QTMAN: variants seen among roughly 807,000 people sequenced by gnomAD.
QTMAN encodes the protein queuosine-tRNA mannosyltransferase, also known as tRNA-queuosine alpha-mannosyltransferase.
chr2:144,313,120 C>G, the QTMAN span, among the ~76,000 whole-genome samples: 1 of 152,048 alleles, frequency 6.6e-6, no homozygotes, highest in Non-Finnish European at 1.5e-5. Context: ...AAATCCTGGG[C>G]TGGAAAAAAA....
chr2:143,947,904 A>C, the QTMAN span, among the ~76,000 whole-genome samples: 2 of 151,930 alleles, frequency 1.3e-5, no homozygotes, highest in Non-Finnish European at 1.5e-5. Context: ...AAGAAAGGGA[A>C]GGGAGGGAAA....
At chr2:144,208,846 C>G in the QTMAN span, 1 of 1,151,810 alleles carries the variant, frequency 8.7e-7, no homozygotes, top group South Asian at 1.8e-5. Flanking sequence ...CCATTACATA[C>G]ATGTATAAAA....
chr2:144,303,419 G>A, the QTMAN span, among the ~76,000 whole-genome samples: 7 of 152,148 alleles, frequency 4.6e-5, no homozygotes, highest in African/African-American at 1.7e-4. Flanking sequence ...GGGAGCCACT[G>A]AAAACTGAAA....
the QTMAN span, chr2:144,145,714 T>A: frequency 6.2e-7 from 1 of 1,610,866 alleles, no homozygotes; most frequent in Non-Finnish European, 8.5e-7. Flanking sequence ...TCGGTCAGGT[T>A]AAGCACTGAA....
the QTMAN span, among the ~76,000 whole-genome samples, chr2:144,263,004 CAGAGGAGGGG>C: frequency 3.1e-5 from 1 of 31,950 alleles, no homozygotes; most frequent in Non-Finnish European, 6.0e-5. Flanking sequence ...GAAGGGAGGA[CAGAGGAGGGG>C]AGGGGAGGGG....
chr2:144,272,580 G>A, the QTMAN span, among the ~76,000 whole-genome samples: 20 of 152,202 alleles, frequency 1.3e-4, no homozygotes, highest in African/African-American at 4.6e-4. Flanking sequence ...TAATAAAACT[G>A]TTTGAATCAT....
the QTMAN span, among the ~76,000 whole-genome samples, chr2:144,040,950 A>G: frequency 6.6e-6 from 1 of 152,222 alleles, no homozygotes; most frequent in Non-Finnish European, 1.5e-5. Context: ...TACTCCAATT[A>G]TACTAATATC....
At chr2:144,007,088 G>A in the QTMAN span, 3 of 757,300 alleles carry the variant, frequency 4.0e-6, no homozygotes, top group Admixed American at 6.1e-5. Context: ...TTTTTCTAAA[G>A]CAATAAGAAG....
At chr2:144,226,758 G>C in the QTMAN span, among the ~76,000 whole-genome samples, 1 of 152,078 alleles carries the variant, frequency 6.6e-6, no homozygotes. Context: ...ATGTTGTATG[G>C]GAGATAGTAG....
chr2:144,021,228 G>A, the QTMAN span, among the ~76,000 whole-genome samples: 1 of 152,180 alleles, frequency 6.6e-6, no homozygotes, highest in Non-Finnish European at 1.5e-5. Flanking sequence ...TCAGGTGAGA[G>A]AGCAAGGGAA....
chr2:144,292,102 A>G, the QTMAN span, among the ~76,000 whole-genome samples: 1 of 152,204 alleles, frequency 6.6e-6, no homozygotes, highest in African/African-American at 2.4e-5. Flanking sequence ...TACTACAAAC[A>G]ACAAGAGTAG....
At chr2:144,310,762 G>T in the QTMAN span, among the ~76,000 whole-genome samples, 1 of 152,238 alleles carries the variant, frequency 6.6e-6, no homozygotes, top group African/African-American at 2.4e-5. Context: ...AATGGACTTA[G>T]ATGGCGAAGA....
At chr2:144,075,579 G>A in the QTMAN span, among the ~76,000 whole-genome samples, 1 of 152,224 alleles carries the variant, frequency 6.6e-6, no homozygotes. Flanking sequence ...TTACAAAGAA[G>A]TAGTGATAGG....
the QTMAN span, among the ~76,000 whole-genome samples, chr2:144,253,588 C>T: frequency 1.3e-5 from 2 of 152,156 alleles, no homozygotes; most frequent in African/African-American, 4.8e-5. Flanking sequence ...AAAGTTCACT[C>T]TTGCCATGCC....
At chr2:144,283,197 T>C in the QTMAN span, among the ~76,000 whole-genome samples, 2 of 152,194 alleles carry the variant, frequency 1.3e-5, no homozygotes, top group African/African-American at 4.8e-5. Flanking sequence ...AAATTGAGGA[T>C]AGCCTACTAC....
At chr2:143,995,831 A>G in the QTMAN span, among the ~76,000 whole-genome samples, 1 of 152,288 alleles carries the variant, frequency 6.6e-6, no homozygotes, top group South Asian at 2.1e-4. Flanking sequence ...ACAGACTTGA[A>G]TATCAGCTTC....
the QTMAN span, among the ~76,000 whole-genome samples, chr2:144,076,527 C>G: frequency 6.6e-6 from 1 of 152,084 alleles, no homozygotes; most frequent in Non-Finnish European, 1.5e-5. Context: ...TTATTAATAT[C>G]ATTCCAGGCT....
the QTMAN span, among the ~76,000 whole-genome samples, chr2:144,107,230 G>T: frequency 6.6e-6 from 1 of 151,890 alleles, no homozygotes; most frequent in Non-Finnish European, 1.5e-5. Flanking sequence ...TTCAAAAGCT[G>T]GCAGAAGGCA....
the QTMAN span, among the ~76,000 whole-genome samples, chr2:143,990,297 TC>T: frequency 3.9e-5 from 6 of 152,108 alleles, no homozygotes; most frequent in African/African-American, 1.4e-4. Flanking sequence ...TGGGAAAAAT[TC>T]TACATATTAA....
Sources: gnomAD v4.1 joint callset for allele counts (sites outside exome capture counted in the v4.1 genomes callset) on GRCh38, gnomAD v4.1.1 for gene constraint, MANE v1.5 for transcripts, NCBI Gene and HGNC (gene_info 2026-07-23, HGNC 2026-07-21) for gene names.